TAFA1: variants seen among roughly 807,000 people sequenced by gnomAD.
TAFA1 encodes TAFA chemokine like family member 1, also known as chemokine-like protein TAFA-1.
TAFA1 carries 4 observed loss-of-function variants against 18.5 expected under a neutral mutation model. The observed-to-expected ratio is 0.22, with a 90% CI of 0.11 to 0.49. TAFA1 has a LOEUF of 0.49. Among genes scored for constraint, TAFA1 ranks in the 20% least tolerant of loss-of-function variants. The pLI, the probability that TAFA1 is intolerant of heterozygous loss-of-function variation, is 0.98. For missense variants in TAFA1, 147 were observed against 169.0 expected (o/e 0.87, Z 0.72); for synonymous variants, 56 against 55.2 (o/e 1.01, Z -0.06).
rs185051613 is a variant in TAFA1 at position 68,434,169 on chromosome 3, G to A, written c.259+16749G>A. On this transcript the variant is annotated intron_variant, in intron 3 of 4. Coordinates refer to ENST00000478136, the MANE Select transcript of TAFA1 (RefSeq NM_213609.4). ...GTGAACTCTTCTAAGCATTTGTATC[G>A]TCTGAAATCAATAAACTTAAGTTTT... Among the ~76,000 whole-genome samples, 37 of 152,180 alleles carry A rather than the reference G, an allele frequency of 2.4e-4. 1 individual carries two copies. Among genetic ancestry groups the A allele is most frequent in the Admixed American group, 1.4e-3 (22 of 15,252 alleles).
At chr3:68,368,859 G>A (rs2069624739) in intron 2 of TAFA1, among the ~76,000 whole-genome samples, 1 of 152,198 alleles carries the variant, frequency 6.6e-6, no homozygotes, top group African/African-American at 2.4e-5. Context: ...AATGTATTCT[G>A]AATTCGTTGC....
intron 2 of TAFA1, among the ~76,000 whole-genome samples, chr3:68,122,888 CA>C (rs1244887482): frequency 6.6e-6 from 1 of 150,816 alleles, no homozygotes; most frequent in African/African-American, 2.4e-5. Flanking sequence ...CTGTATTTTA[CA>C]TCTATATATA....
At chr3:68,280,239 A>T (rs1054372028) in intron 2 of TAFA1, among the ~76,000 whole-genome samples, 5 of 152,156 alleles carry the variant, frequency 3.3e-5, no homozygotes, top group Non-Finnish European at 5.9e-5. Flanking sequence ...CCTTTATAAC[A>T]CTGATACTGG....
At chr3:68,367,396 T>C (rs1352492389) in intron 2 of TAFA1, among the ~76,000 whole-genome samples, 1 of 152,194 alleles carries the variant, frequency 6.6e-6, no homozygotes, top group African/African-American at 2.4e-5. Context: ...TGAGATTTAA[T>C]GGGACAAAAG....
intron 3 of TAFA1, among the ~76,000 whole-genome samples, chr3:68,528,352 C>T (rs1361290537): frequency 6.6e-6 from 1 of 152,146 alleles, no homozygotes; most frequent in African/African-American, 2.4e-5. Context: ...AAAATTCAAA[C>T]CCAGGTCCCT....
At chr3:68,137,980 T>C (rs893460159) in intron 2 of TAFA1, among the ~76,000 whole-genome samples, 3 of 80,628 alleles carry the variant, frequency 3.7e-5, no homozygotes, top group Admixed American at 1.4e-4. Context: ...TTCGCTACTA[T>C]TTAAAAAAAA....
At chr3:68,008,328 T>A (rs148089806) in intron 2 of TAFA1, among the ~76,000 whole-genome samples, 2,305 of 152,374 alleles carry the variant, frequency 0.015, 65 homozygotes, top group African/African-American at 0.053. Flanking sequence ...CTGGCACAAA[T>A]GTCTTTCACT....
intron 2 of TAFA1, among the ~76,000 whole-genome samples, chr3:68,344,515 G>A (rs566563042): frequency 6.6e-6 from 1 of 152,154 alleles, no homozygotes; most frequent in Non-Finnish European, 1.5e-5. Context: ...TGACAGGCTT[G>A]GGTGTGAAAT....
intron 2 of TAFA1, among the ~76,000 whole-genome samples, chr3:68,259,477 G>A (rs899944200): frequency 2.0e-5 from 3 of 152,144 alleles, no homozygotes; most frequent in Admixed American, 2.0e-4. Context: ...TGTGAAGAAA[G>A]TCATTGGTAG....
intron 2 of TAFA1, among the ~76,000 whole-genome samples, chr3:68,183,833 A>G (rs920707269): frequency 2.2e-4 from 34 of 152,126 alleles, no homozygotes; most frequent in African/African-American, 8.0e-4. Flanking sequence ...GATGCATACA[A>G]AACAGTAGTA....
At chr3:68,196,505 T>C (rs1468369269) in intron 2 of TAFA1, among the ~76,000 whole-genome samples, 1 of 151,758 alleles carries the variant, frequency 6.6e-6, no homozygotes, top group East Asian at 1.9e-4. Context: ...GGAAATGCAG[T>C]TCAAATTACT....
intron 2 of TAFA1, among the ~76,000 whole-genome samples, chr3:68,132,341 T>A (rs1026370943): frequency 6.6e-6 from 1 of 152,216 alleles, no homozygotes; most frequent in Non-Finnish European, 1.5e-5. Context: ...AATAAACATA[T>A]GTGTGCATGT....
chr3:68,133,037 T>C (rs922454622), intron 2 of TAFA1, among the ~76,000 whole-genome samples: 1 of 152,182 alleles, frequency 6.6e-6, no homozygotes, highest in African/African-American at 2.4e-5. Flanking sequence ...CTTGAGTTAA[T>C]TTTTGTACAA....
chr3:68,093,171 G>A (rs2065047633), intron 2 of TAFA1, among the ~76,000 whole-genome samples: 1 of 152,092 alleles, frequency 6.6e-6, no homozygotes, highest in Non-Finnish European at 1.5e-5. Flanking sequence ...GCTGTAGCTG[G>A]ACTGTTACCT....
At chr3:68,097,655 T>A (rs570197566) in intron 2 of TAFA1, among the ~76,000 whole-genome samples, 2 of 152,146 alleles carry the variant, frequency 1.3e-5, no homozygotes, top group African/African-American at 4.8e-5. Context: ...GGCAGAGGGG[T>A]AAGGCAGGAT....
intron 2 of TAFA1, among the ~76,000 whole-genome samples, chr3:68,232,579 T>C (rs2066884367): frequency 1.3e-5 from 2 of 152,106 alleles, no homozygotes; most frequent in Admixed American, 1.3e-4. Flanking sequence ...AATAGCAGGA[T>C]TGCTGGATCA....
At chr3:68,237,940 T>C (rs2107130035) in intron 2 of TAFA1, among the ~76,000 whole-genome samples, 1 of 152,148 alleles carries the variant, frequency 6.6e-6, no homozygotes, top group African/African-American at 2.4e-5. Context: ...GGGGTTAATT[T>C]GATCAGATGT....
chr3:68,076,587 T>G (rs1272615236), intron 2 of TAFA1, among the ~76,000 whole-genome samples: 1 of 152,226 alleles, frequency 6.6e-6, no homozygotes, highest in Middle Eastern at 3.2e-3. Context: ...GATAGTTTAC[T>G]GAGAATGATG....
upstream of TAFA1, among the ~76,000 whole-genome samples, chr3:68,001,053 T>C (rs1253603262): frequency 6.6e-6 from 1 of 152,238 alleles, no homozygotes; most frequent in African/African-American, 2.4e-5. Flanking sequence ...GACCTTTATA[T>C]GCTTCTGATA....
Sources: gnomAD v4.1 joint callset for allele counts (sites outside exome capture counted in the v4.1 genomes callset) on GRCh38, gnomAD v4.1.1 for gene constraint, MANE v1.5 for transcripts, NCBI Gene and HGNC (gene_info 2026-07-23, HGNC 2026-07-21) for gene names.